The following RBBP5 variants were observed in gnomAD, a reference collection of about 807,000 sequenced individuals.
RBBP5 encodes the protein RB binding protein 5, histone lysine methyltransferase complex subunit, also known as retinoblastoma-binding protein 5.
RBBP5 carries 5 observed loss-of-function variants against 72.2 expected under a neutral mutation model. That is an observed-to-expected ratio of 0.07 (90% CI 0.04 to 0.15). RBBP5 has a LOEUF of 0.15. Ranked by LOEUF, RBBP5 falls within the 10% of genes least tolerant of loss-of-function variation. The pLI is 1.00. For synonymous variants in RBBP5, 209 were observed against 237.2 expected, an observed-to-expected ratio of 0.88 and a Z score of 1.09; for missense variants, 322 against 652.2, an observed-to-expected ratio of 0.49 and a Z score of 5.51.
chr1:205,105,965 A>AC (rs1656047017), intron 3 of RBBP5, among the ~76,000 whole-genome samples: 1 of 152,242 alleles, frequency 6.6e-6, no homozygotes, highest in South Asian at 2.1e-4. Flanking sequence ...ACCTTTATCC[A>AC]GCTATAACAA....
rs759467794 is a variant in RBBP5, at chr1:205,115,843, A to G, written c.45+15T>C. The G allele has an allele frequency of 2.5e-6, 4 of 1,600,754 alleles. No homozygotes were observed. The East Asian group carries it at 9.0e-5, about 36-fold the overall frequency. ...TTACTATGTTCCTAAAATCACCACA[A>G]TACTATACTCTTACCTCTGGATAGT... On this transcript the variant is annotated intron_variant, in intron 2 of 13. Coordinates refer to ENST00000264515, the MANE Select transcript of RBBP5 (RefSeq NM_005057.4).
chr1:205,094,817 G>T, intron 13 of RBBP5, 56 bp downstream of exon 13: 1 of 1,517,698 alleles, frequency 6.6e-7, no homozygotes, highest in Non-Finnish European at 8.9e-7. Flanking sequence ...GAAGTCAAGG[G>T]CTACACAAAG....
intron 13 of RBBP5, chr1:205,091,329 T>A (rs1197317388): frequency 6.6e-6 from 1 of 152,248 alleles, no homozygotes; most frequent in East Asian, 1.9e-4. Context: ...TGGAGAGTAT[T>A]TAAAGTAACT....
intron 7 of RBBP5, 24 bp from the exon 8 acceptor site, chr1:205,100,088 GGAGAGC>G: frequency 6.2e-7 from 1 of 1,613,608 alleles, no homozygotes; most frequent in Non-Finnish European, 8.5e-7. Flanking sequence ...AAAGTACCAA[GGAGAGC>G]TGGAACTCAA....
chr1:205,097,273 C>A (rs1655653805), intron 11 of RBBP5, 53 bp downstream of exon 11: 19 of 1,510,266 alleles, frequency 1.3e-5, no homozygotes, highest in Non-Finnish European at 1.6e-5. Flanking sequence ...AGTACTCCCC[C>A]AGAGGCCAGG....
intron 3 of RBBP5, among the ~76,000 whole-genome samples, chr1:205,112,297 A>G (rs1656348097): frequency 6.6e-6 from 1 of 152,106 alleles, no homozygotes; most frequent in African/African-American, 2.4e-5. Context: ...CAGCCTGGGC[A>G]ACAGAGCAAG....
rs186429540 is a variant in RBBP5, at chr1:205,103,555, T to G, written c.522+302A>C. Among the ~76,000 whole-genome samples the G allele has an allele frequency of 1.4e-3, 219 of 152,290 alleles. 2 individuals carry two copies. Among genetic ancestry groups the G allele is most frequent in the African/African-American group, 5.1e-3 (213 of 41,564 alleles). ...TTTTATAAAACCAGATATTGAGAAA[T>G]TTTGATCAGCAGTGTTCCAGCTGAT... On this transcript the variant is annotated intron_variant, in intron 5 of 13. Transcript: ENST00000264515.
intron 13 of RBBP5, among the ~76,000 whole-genome samples, chr1:205,092,750 T>C (rs114770232): frequency 0.011 from 1,708 of 151,018 alleles, 16 homozygotes; most frequent in Non-Finnish European, 0.012. Context: ...TCTTGTTTGT[T>C]TGATTGGCTT....
rs1178455982 is a variant in RBBP5 at position 205,114,455 on chromosome 1, C to T, written c.218+334G>A. ...TCAGTAAACTGCACAAAACTGGACT[C>T]GATGACTTCCAAGCTTCTGTCCTAA... On this transcript the variant is annotated intron_variant, in intron 3 of 13. Coordinates refer to ENST00000264515, the MANE Select transcript of RBBP5 (RefSeq NM_005057.4). Among the ~76,000 whole-genome samples, 5 of 152,128 alleles carry T rather than the reference C, an allele frequency of 3.3e-5. No individual in the cohort carries two copies. In the South Asian group the frequency reaches 6.2e-4, roughly 19 times the overall value.
chr1:205,116,232 G>T, intron 1 of RBBP5: 1 of 388,078 alleles, frequency 2.6e-6, no homozygotes, highest in Non-Finnish European at 4.9e-6. Context: ...TAAATACTTT[G>T]TTTTTGAAAA....
chr1:205,090,163 T>C (rs2151213096), intron 13 of RBBP5, among the ~76,000 whole-genome samples: 1 of 152,330 alleles, frequency 6.6e-6, no homozygotes, highest in South Asian at 2.1e-4. Flanking sequence ...TACATTGATT[T>C]TTAAAAAACT....
chr1:205,115,012 A>T (rs1283382455), intron 2 of RBBP5, 51 bp from the exon 3 acceptor site: 1 of 1,465,178 alleles, frequency 6.8e-7, no homozygotes, highest in Non-Finnish European at 9.3e-7. Context: ...CCAGGTATCC[A>T]AATTATTTCC....
At chr1:205,119,262 T>C (rs1294491285) in intron 1 of RBBP5, among the ~76,000 whole-genome samples, 2 of 151,868 alleles carry the variant, frequency 1.3e-5, no homozygotes, top group Admixed American at 1.3e-4. Context: ...AGGTGTGGTG[T>C]TGGGTGCCTG....
chr1:205,101,572 G>T, intron 6 of RBBP5, 28 bp downstream of exon 6: 1 of 1,516,070 alleles, frequency 6.6e-7, no homozygotes, highest in Non-Finnish European at 9.1e-7. Context: ...TCTTAAAACT[G>T]TCCCTTAAAA....
At position 205,115,138 on chromosome 1, in the gene RBBP5, T is replaced by G. The variant is rs149209715; in HGVS notation, c.46-177A>C. 4.1e-4 allele frequency among the ~76,000 whole-genome samples: 62 copies of G among 152,328 alleles called. 1 individual carries two copies. In the East Asian group the frequency reaches 8.9e-3, roughly 22 times the overall value. ...AATAGCCAAAATGAAGGAACATTTATTAAAGCTAACCATGGATTCTGGAAA... is the reference window on the plus strand; with the variant it reads ...AATAGCCAAAATGAAGGAACATTTAGTAAAGCTAACCATGGATTCTGGAAA... On this transcript the variant is annotated intron_variant, in intron 2 of 13. Coordinates refer to ENST00000264515, the MANE Select transcript of RBBP5 (RefSeq NM_005057.4).
chr1:205,120,103 T>C (rs948792593), intron 1 of RBBP5, among the ~76,000 whole-genome samples: 2 of 152,188 alleles, frequency 1.3e-5, no homozygotes, highest in Admixed American at 6.5e-5. Context: ...CAGCACTATA[T>C]GCAATCTATT....
chr1:205,097,000 C>A, intron 11 of RBBP5, 89 bp from the exon 12 acceptor site: 1 of 1,145,840 alleles, frequency 8.7e-7, no homozygotes. Context: ...CTATATTAAG[C>A]ATAAGCAACA....
chr1:205,118,976 C>A (rs971451889), intron 1 of RBBP5, among the ~76,000 whole-genome samples: 1 of 152,220 alleles, frequency 6.6e-6, no homozygotes, highest in Non-Finnish European at 1.5e-5. Context: ...AATCACATTA[C>A]TTCTGTTCCT....
chr1:205,091,897 C>G (rs1370611224), intron 13 of RBBP5: 1 of 152,154 alleles, frequency 6.6e-6, no homozygotes, highest in Non-Finnish European at 1.5e-5. Context: ...TTCTTAATAC[C>G]TGGTGGAAAA....
Sources: allele counts gnomAD v4.1 joint callset (sites outside exome capture counted in the v4.1 genomes callset), GRCh38; gene constraint gnomAD v4.1.1; transcripts MANE v1.5; gene names NCBI Gene and HGNC (gene_info 2026-07-23, HGNC 2026-07-21).